The following PTPRD variants were observed in gnomAD, a reference collection of about 807,000 sequenced individuals.
PTPRD encodes the protein protein tyrosine phosphatase receptor type D.
PTPRD carries 34 observed loss-of-function variants against 214.5 expected under a neutral mutation model. That is an observed-to-expected ratio of 0.16 (90% CI 0.12 to 0.21). The LOEUF (loss-of-function observed/expected upper bound fraction) is 0.21, where lower values mean the gene tolerates loss of function less well. Ranked by LOEUF, PTPRD falls within the 10% of genes least tolerant of loss-of-function variation. PTPRD has a pLI of 1.00. For synonymous variants in PTPRD, 1,128 were observed against 845.7 expected (o/e 1.33, Z -5.79); for missense variants, 2,545 against 2,398.7 (o/e 1.06, Z -1.27).
intron 21 of PTPRD, among the ~76,000 whole-genome samples, chr9:8,512,301 A>C (rs2097698405): frequency 6.6e-6 from 1 of 152,122 alleles, no homozygotes; most frequent in Non-Finnish European, 1.5e-5. Flanking sequence ...TACTTAATAC[A>C]CAAGCATCAG....
chr9:9,380,135 G>A (rs1164582760), intron 9 of PTPRD, among the ~76,000 whole-genome samples: 1 of 151,942 alleles, frequency 6.6e-6, no homozygotes, highest in African/African-American at 2.4e-5. Context: ...GTTAGCTGTA[G>A]GTTATTTGTA....
chr9:8,668,357 C>G (rs868040320), intron 12 of PTPRD, among the ~76,000 whole-genome samples: 1 of 152,158 alleles, frequency 6.6e-6, no homozygotes, highest in South Asian at 2.1e-4. Context: ...AATTTGCAAA[C>G]TCAGCCAAAC....
intron 9 of PTPRD, among the ~76,000 whole-genome samples, chr9:9,381,079 T>A (rs751007926): frequency 6.6e-6 from 1 of 152,124 alleles, no homozygotes; most frequent in Admixed American, 6.6e-5. Flanking sequence ...ATGATTTTTA[T>A]ATAAATGTGG....
rs545367437 is a variant in PTPRD, at chr9:9,800,438, T to C, written c.-367-33587A>G. On this transcript the variant is annotated intron_variant, in intron 5 of 45. Coordinates refer to ENST00000381196, the MANE Select transcript of PTPRD (RefSeq NM_002839.4). Reference sequence around the variant, plus strand: ...GCCATTTGGAAAGAAAAGGGACTAGTGTGATCCTGAATCACAGGATCCCTG... The same window carrying C: ...GCCATTTGGAAAGAAAAGGGACTAGCGTGATCCTGAATCACAGGATCCCTG... The C allele has an allele frequency of 6.4e-4, 98 of 152,370 alleles. 1 individual carries two copies. Among genetic ancestry groups the C allele is most frequent in the Admixed American group, 1.2e-3 (19 of 15,302 alleles). 9.4% of individuals were successfully genotyped at this position (152,370 alleles called of 1,614,324 possible).
At chr9:8,401,994 G>A (rs2092455130) in intron 36 of PTPRD, among the ~76,000 whole-genome samples, 1 of 152,148 alleles carries the variant, frequency 6.6e-6, no homozygotes, top group African/African-American at 2.4e-5. Flanking sequence ...GTCTTTAGAG[G>A]AGAAGCCTCA....
At chr9:9,618,913 A>C (rs1420799119) in intron 7 of PTPRD, among the ~76,000 whole-genome samples, 1 of 152,158 alleles carries the variant, frequency 6.6e-6, no homozygotes, top group Non-Finnish European at 1.5e-5. Context: ...AGGAAAAAAA[A>C]CCTCTGAAGG....
chr9:9,237,337 G>A (rs541858874), intron 9 of PTPRD, among the ~76,000 whole-genome samples: 4 of 152,076 alleles, frequency 2.6e-5, no homozygotes, highest in Non-Finnish European at 5.9e-5. Flanking sequence ...GGCCAAGGCA[G>A]GAGGATCACT....
At chr9:9,535,311 G>C (rs2076290856) in intron 8 of PTPRD, among the ~76,000 whole-genome samples, 1 of 152,094 alleles carries the variant, frequency 6.6e-6, no homozygotes, top group Non-Finnish European at 1.5e-5. Flanking sequence ...CTACAGATTA[G>C]AGAAAATCAA....
In PTPRD at chr9:8,465,625, T is replaced by G; in HGVS notation, c.3555A>C (p.Glu1185Asp). ...CGGCAATATATGGCTTTAATTCAAC[T>G]TCTCTCCCATAACGGATGCTTCTGC... ...RKRRSIRYGR[E>D]VELKPYIAAH... Residue 1185 changes from glutamate to aspartate, a missense_variant, in exon 32 of 46, where the codon GAA becomes GAC. Transcript: ENST00000381196. 6.2e-7 allele frequency: 1 copy of G among 1,612,302 alleles called. No individual in the cohort carries two copies. Among genetic ancestry groups the G allele is most frequent in the Non-Finnish European group, 8.5e-7 (1 of 1,178,866 alleles).
intron 2 of PTPRD, among the ~76,000 whole-genome samples, chr9:10,507,250 G>A (rs1160307034): frequency 9.2e-5 from 14 of 151,922 alleles, no homozygotes; most frequent in Non-Finnish European, 1.9e-4. Context: ...GGGATGTGAA[G>A]GACCTCTTCA....
At chr9:8,727,306 G>C (rs1012640306) in intron 12 of PTPRD, among the ~76,000 whole-genome samples, 3 of 152,164 alleles carry the variant, frequency 2.0e-5, no homozygotes, top group African/African-American at 7.2e-5. Flanking sequence ...AATCTTACTA[G>C]GTAGCTACAG....
intron 5 of PTPRD, among the ~76,000 whole-genome samples, chr9:9,884,596 T>C (rs953093751): frequency 1.3e-5 from 2 of 152,156 alleles, no homozygotes; most frequent in Non-Finnish European, 2.9e-5. Context: ...CTGATGAGCC[T>C]AGAGGAGTGA....
chr9:10,562,163 C>A (rs1029006558), intron 2 of PTPRD, among the ~76,000 whole-genome samples: 1 of 151,984 alleles, frequency 6.6e-6, no homozygotes, highest in African/African-American at 2.4e-5. Context: ...TATCCAAGAA[C>A]CTGAAGATGA....
chr9:9,246,141 A>C (rs2099972959), intron 9 of PTPRD, among the ~76,000 whole-genome samples: 1 of 152,044 alleles, frequency 6.6e-6, no homozygotes, highest in Non-Finnish European at 1.5e-5. Context: ...GATATTTTAG[A>C]AGAAAGGTAG....
chr9:8,981,054 C>G (rs1044528407), intron 11 of PTPRD, among the ~76,000 whole-genome samples: 1 of 151,958 alleles, frequency 6.6e-6, no homozygotes, highest in Non-Finnish European at 1.5e-5. Context: ...TACTTGTCTC[C>G]GGCACCTCGC....
chr9:9,060,233 C>T (rs1161845491), intron 10 of PTPRD, among the ~76,000 whole-genome samples: 1 of 152,062 alleles, frequency 6.6e-6, no homozygotes, highest in Non-Finnish European at 1.5e-5. Context: ...ACAGCAGAGG[C>T]CAGTAGGAGA....
chr9:8,721,930 C>T lies in PTPRD; in HGVS notation c.64+11850G>A, dbSNP rs2098503577. 2.0e-5 allele frequency among the ~76,000 whole-genome samples: 3 copies of T among 152,226 alleles called. No homozygotes were observed. The South Asian group carries it at 6.2e-4, about 32-fold the overall frequency. ...CTCCAACCTTCTGTTCCAAAGCTTTCACAAGCAACATCAGTGGTTCTCAAT... is the reference window on the plus strand; with the variant it reads ...CTCCAACCTTCTGTTCCAAAGCTTTTACAAGCAACATCAGTGGTTCTCAAT... On this transcript the variant is annotated intron_variant, in intron 12 of 45. Transcript: ENST00000381196.
chr9:8,866,098 T>G (rs1232222644), intron 11 of PTPRD, among the ~76,000 whole-genome samples: 1 of 152,196 alleles, frequency 6.6e-6, no homozygotes, highest in Non-Finnish European at 1.5e-5. Flanking sequence ...TAGGAACATA[T>G]ATTACTGGAA....
At chr9:9,638,789 C>A (rs1428267604) in intron 7 of PTPRD, among the ~76,000 whole-genome samples, 1 of 152,130 alleles carries the variant, frequency 6.6e-6, no homozygotes, top group Non-Finnish European at 1.5e-5. Flanking sequence ...AATAGACAGT[C>A]CTCACAGTTC....
Sources: allele counts gnomAD v4.1 joint callset (sites outside exome capture counted in the v4.1 genomes callset), GRCh38; gene constraint gnomAD v4.1.1; transcripts MANE v1.5; gene names NCBI Gene and HGNC (gene_info 2026-07-23, HGNC 2026-07-21).